Variants in CDH18 observed in about 807,000 individuals in gnomAD.
The protein encoded by CDH18 is cadherin 18, also known as cadherin-18.
A neutral mutation model predicts 67.9 loss-of-function variants in CDH18; 31 were observed. That is an observed-to-expected ratio of 0.46 (90% CI 0.34 to 0.62). CDH18 has a LOEUF of 0.62. Among genes scored for constraint, CDH18 ranks in the 20% least tolerant of loss-of-function variants. The pLI is 0.01. For synonymous variants in CDH18, 362 were observed against 347.2 expected (o/e 1.04, Z -0.48); for missense variants, 890 against 975.5 (o/e 0.91, Z 1.17).
chr5:20,560,468 T>TATAC (rs1554019495), intron 1 of CDH18, among the ~76,000 whole-genome samples: 1 of 127,606 alleles, frequency 7.8e-6, no homozygotes, highest in Non-Finnish European at 1.7e-5. Context: ...CCAACACTCA[T>TATAC]ACACACACAC....
At chr5:19,495,627 C>T (rs1356669385) in intron 11 of CDH18, among the ~76,000 whole-genome samples, 1 of 148,580 alleles carries the variant, frequency 6.7e-6, no homozygotes, top group African/African-American at 2.5e-5. Context: ...GTAATCCCAG[C>T]TACTCGGCTT....
At chr5:19,569,233 A>G (rs1414193173) in intron 8 of CDH18, among the ~76,000 whole-genome samples, 1 of 152,158 alleles carries the variant, frequency 6.6e-6, no homozygotes, top group African/African-American at 2.4e-5. Flanking sequence ...ATTACTTGCT[A>G]TTCCCACAGG....
At chr5:20,267,005 T>C (rs13164886) in intron 1 of CDH18, among the ~76,000 whole-genome samples, 1 of 152,072 alleles carries the variant, frequency 6.6e-6, no homozygotes, top group East Asian at 1.9e-4. Context: ...CTACTGAATG[T>C]ATAAATGTGC....
intron 1 of CDH18, among the ~76,000 whole-genome samples, chr5:20,419,098 G>T (rs1177362600): frequency 2.0e-5 from 3 of 151,992 alleles, no homozygotes; most frequent in Non-Finnish European, 2.9e-5. Flanking sequence ...ATTGAATCAA[G>T]GGGACTTTCC....
chr5:20,341,172 G>A (rs1040166109), intron 1 of CDH18, among the ~76,000 whole-genome samples: 2 of 152,110 alleles, frequency 1.3e-5, no homozygotes, highest in Non-Finnish European at 2.9e-5. Context: ...ATGCAATATT[G>A]ATCCTGAGTG....
chr5:19,488,840 G>A (rs573615640), intron 11 of CDH18, among the ~76,000 whole-genome samples: 3 of 152,216 alleles, frequency 2.0e-5, no homozygotes, highest in Admixed American at 6.5e-5. Context: ...TTATTTCTTC[G>A]TATTCTCTGA....
chr5:20,522,152 C>T (rs1755781427), intron 1 of CDH18, among the ~76,000 whole-genome samples: 1 of 152,102 alleles, frequency 6.6e-6, no homozygotes, highest in Non-Finnish European at 1.5e-5. Flanking sequence ...GAGTCCACAG[C>T]GGGAAGTTAG....
At chr5:20,510,639 A>G (rs1444670216) in intron 1 of CDH18, among the ~76,000 whole-genome samples, 1 of 152,320 alleles carries the variant, frequency 6.6e-6, no homozygotes. Flanking sequence ...ACTCAAGCCC[A>G]TAACAATAGC....
intron 2 of CDH18, among the ~76,000 whole-genome samples, chr5:19,953,296 G>A (rs1446438019): frequency 6.6e-6 from 1 of 152,038 alleles, no homozygotes; most frequent in African/African-American, 2.4e-5. Flanking sequence ...TACTGAATAT[G>A]TTAAGACTGA....
chr5:19,774,447 T>TAAAATAAAATA lies in CDH18; in HGVS notation c.229-27212_229-27211insTATTTTATTTT, dbSNP rs370475987. ...AAAATTAAAATAAAATAAAATAAAATAAATAAATAAATCATAGTAAGGGGA... is the reference window on the plus strand; with the variant it reads ...AAAATTAAAATAAAATAAAATAAAATAAAATAAAATAAAATAAATAAATCATAGTAAGGGGA... On this transcript the variant is annotated intron_variant, in intron 3 of 12. Coordinates refer to ENST00000382275, the MANE Select transcript of CDH18 (RefSeq NM_004934.5). Among the ~76,000 whole-genome samples, 483 of 145,006 alleles carry TAAAATAAAATA rather than the reference T, an allele frequency of 3.3e-3. 2 individuals are homozygous for TAAAATAAAATA. Among genetic ancestry groups the TAAAATAAAATA allele is most frequent in the African/African-American group, 0.012 (460 of 38,938 alleles).
At chr5:19,899,292 C>T (rs963838633) in intron 2 of CDH18, among the ~76,000 whole-genome samples, 4 of 150,840 alleles carry the variant, frequency 2.7e-5, no homozygotes, top group East Asian at 2.0e-4. Flanking sequence ...CCCAGCTACT[C>T]GGGAGGCTGA....
intron 1 of CDH18, among the ~76,000 whole-genome samples, chr5:20,539,756 AAACACAC>A (rs1561109995): frequency 1.8e-5 from 1 of 54,848 alleles, no homozygotes; most frequent in African/African-American, 4.1e-5. Flanking sequence ...ACACACACAC[AAACACAC>A]ACACACACAC....
chr5:20,465,864 G>C (rs1286103949), intron 1 of CDH18, among the ~76,000 whole-genome samples: 1 of 152,004 alleles, frequency 6.6e-6, no homozygotes, highest in Non-Finnish European at 1.5e-5. Flanking sequence ...AAAATGCAGA[G>C]TACAATGTAT....
chr5:20,048,724 G>A (rs572021453), intron 2 of CDH18, among the ~76,000 whole-genome samples: 2 of 151,410 alleles, frequency 1.3e-5, no homozygotes, highest in East Asian at 3.9e-4. Context: ...CCTATTCTTG[G>A]TCTGGCCTGT....
At position 19,535,478 on chromosome 5, in the gene CDH18, A is replaced by G. The variant is rs543759985; in HGVS notation, c.1390+8391T>C. Among the ~76,000 whole-genome samples, 65 of 152,272 alleles carry G rather than the reference A, an allele frequency of 4.3e-4. No individual in the cohort carries two copies. In the South Asian group the frequency reaches 0.013, roughly 31 times the overall value. ...ACTTAAAAATACTCACTCCGAGGTG[A>G]CGGGTTTTTATATTCTTAGATGCAG... On this transcript the variant is annotated intron_variant, in intron 9 of 12. Transcript: ENST00000382275.
intron 3 of CDH18, among the ~76,000 whole-genome samples, chr5:19,756,914 C>T (rs1273964455): frequency 6.6e-6 from 1 of 152,158 alleles, no homozygotes; most frequent in Non-Finnish European, 1.5e-5. Flanking sequence ...AGAAACAGTA[C>T]AATATAGCGG....
At chr5:19,764,710 T>C (rs1055644608) in intron 3 of CDH18, among the ~76,000 whole-genome samples, 11 of 151,834 alleles carry the variant, frequency 7.2e-5, no homozygotes, top group African/African-American at 1.2e-4. Context: ...TGTGTGTATA[T>C]AGTTATTATC....
chr5:20,318,035 A>G (rs1285376829), intron 1 of CDH18, among the ~76,000 whole-genome samples: 1 of 152,274 alleles, frequency 6.6e-6, no homozygotes, highest in African/African-American at 2.4e-5. Context: ...AAAACTATAT[A>G]GTTTTTGCTC....
intron 2 of CDH18, among the ~76,000 whole-genome samples, chr5:20,049,117 A>G (rs1170920154): frequency 6.6e-6 from 1 of 151,770 alleles, no homozygotes; most frequent in Non-Finnish European, 1.5e-5. Flanking sequence ...ACTAAATGGT[A>G]GAGTATAAGA....
Sources: gnomAD v4.1 joint callset for allele counts (sites outside exome capture counted in the v4.1 genomes callset) on GRCh38, gnomAD v4.1.1 for gene constraint, MANE v1.5 for transcripts, NCBI Gene and HGNC (gene_info 2026-07-23, HGNC 2026-07-21) for gene names.